Variants in KLHL1 observed in about 807,000 individuals in gnomAD.
The protein encoded by KLHL1 is kelch-like protein 1.
Under a neutral mutation model 77.7 loss-of-function variants are expected in KLHL1, and 47 were observed. That is an observed-to-expected ratio of 0.60 (90% CI 0.48 to 0.77). The LOEUF (loss-of-function observed/expected upper bound fraction) is 0.77, where lower values mean the gene tolerates loss of function less well. Among genes scored for constraint, KLHL1 ranks in the 30% least tolerant of loss-of-function variants. The pLI, the probability that KLHL1 is intolerant of heterozygous loss-of-function variation, is 0.00. For synonymous variants in KLHL1, 360 were observed against 325.2 expected (o/e 1.11, Z -1.15); for missense variants, 925 against 910.8 (o/e 1.02, Z -0.20).
At chr13:70,054,175 T>C (rs1461824640) in intron 1 of KLHL1, among the ~76,000 whole-genome samples, 5 of 152,170 alleles carry the variant, frequency 3.3e-5, no homozygotes, top group African/African-American at 1.2e-4. Context: ...ATAGATTGTC[T>C]CATTTTCATT....
rs1879141312 is a variant in KLHL1, at chr13:69,839,090, T to C, written c.1300A>G (p.Met434Val). Residue 434 changes from methionine (M) to valine (V), a missense_variant, in exon 6 of 11, where the codon ATG (methionine) becomes GTG (valine). Physicochemically the swap from Met to Val is conservative, Grantham distance 21 (BLOSUM62 1). Transcript: ENST00000377844. ...CTTTCTGGCAATAGATGGTATTTCA[T>C]TGCTTCTAGAATCAGCTTTTGACAT... ...LECQKLILEA[M>V]KYHLLPERRT... is the part of the protein sequence containing the mutation. 2 of 1,609,660 alleles carry C rather than the reference T, an allele frequency of 1.2e-6. No homozygotes were observed. Among genetic ancestry groups the C allele is most frequent in the Admixed American group, 1.7e-5 (1 of 59,536 alleles).
Position 69,720,106 on chromosome 13 carries a change from T to C in KLHL1, c.1803-525A>G, listed in dbSNP as rs115360570. Among the ~76,000 whole-genome samples the C allele has an allele frequency of 2.0e-3, 305 of 152,200 alleles. 1 individual carries two copies. The highest frequency in any genetic ancestry group is 7.0e-3 in the African/African-American group (290 of 41,534). On this transcript the variant is annotated intron_variant, in intron 8 of 10. Transcript: ENST00000377844. ...CAACAACTTTCTTACTCAGTGCCTA[T>C]ACTATAGCTAAAAACAAGACTTTAC...
chr13:69,744,177 G>A (rs1442572127), intron 7 of KLHL1, among the ~76,000 whole-genome samples: 1 of 152,140 alleles, frequency 6.6e-6, no homozygotes, highest in African/African-American at 2.4e-5. Flanking sequence ...AGTAGCTCTA[G>A]TATTGGTTAC....
At chr13:69,915,638 C>G (rs1234514295) in intron 4 of KLHL1, among the ~76,000 whole-genome samples, 14 of 152,028 alleles carry the variant, frequency 9.2e-5, no homozygotes, top group Admixed American at 8.5e-4. Flanking sequence ...ACCATAAAAA[C>G]CCTAGAAGAA....
chr13:69,836,654 AC>A (rs1879002465), intron 6 of KLHL1, among the ~76,000 whole-genome samples: 1 of 152,072 alleles, frequency 6.6e-6, no homozygotes, highest in Admixed American at 6.6e-5. Context: ...GTCTTACAAA[AC>A]TTAATGTTAT....
intron 7 of KLHL1, among the ~76,000 whole-genome samples, chr13:69,794,745 G>C (rs1593839027): frequency 6.6e-6 from 1 of 151,922 alleles, no homozygotes; most frequent in South Asian, 2.1e-4. Flanking sequence ...GGGATAGCAA[G>C]AATGTAAAAA....
At chr13:69,949,246 G>T (rs192336263) in intron 3 of KLHL1, among the ~76,000 whole-genome samples, 2 of 149,706 alleles carry the variant, frequency 1.3e-5, no homozygotes, top group African/African-American at 4.9e-5. Context: ...TTCCAGGATC[G>T]CATTCAGAAT....
At chr13:70,002,873 T>C (rs1260967041) in intron 1 of KLHL1, among the ~76,000 whole-genome samples, 1 of 151,670 alleles carries the variant, frequency 6.6e-6, no homozygotes, top group Non-Finnish European at 1.5e-5. Context: ...TTAAGCAAGT[T>C]ACAAATTCCA....
chr13:69,797,827 TAAAA>T (rs35332261), intron 6 of KLHL1, among the ~76,000 whole-genome samples: 2 of 130,714 alleles, frequency 1.5e-5, no homozygotes, highest in African/African-American at 2.9e-5. Context: ...AGACTCCATC[TAAAA>T]AAAAAAAAAA....
chr13:69,971,034 CT>C (rs569602368), intron 2 of KLHL1, among the ~76,000 whole-genome samples: 231 of 152,132 alleles, frequency 1.5e-3, no homozygotes, highest in African/African-American at 5.1e-3. Context: ...TCAAAACTAC[CT>C]TTCTAAATTA....
At chr13:70,014,487 AG>A (rs941923214) in intron 1 of KLHL1, among the ~76,000 whole-genome samples, 7 of 152,134 alleles carry the variant, frequency 4.6e-5, no homozygotes, top group African/African-American at 1.7e-4. Flanking sequence ...TCAAAAGTAG[AG>A]GGGAAAGAAT....
chr13:70,094,681 C>T (rs545606013), intron 1 of KLHL1, among the ~76,000 whole-genome samples: 13 of 152,168 alleles, frequency 8.5e-5, no homozygotes, highest in South Asian at 4.1e-4. Flanking sequence ...GAGAAGATTA[C>T]GGAACTTCAA....
intron 1 of KLHL1, among the ~76,000 whole-genome samples, chr13:70,036,835 C>CTTTTTTTTTTTTTTTTTTTTTTTTTTTT (rs5804467): frequency 2.0e-5 from 1 of 50,684 alleles, no homozygotes; most frequent in African/African-American, 7.4e-5. Flanking sequence ...ATGCCATGGT[C>CTTTTTTTTTTTTTTTTTTTTTTTTTTTT]TTTTTTTTTT....
intron 1 of KLHL1, among the ~76,000 whole-genome samples, chr13:70,092,631 C>T (rs1887695866): frequency 6.6e-6 from 1 of 152,070 alleles, no homozygotes; most frequent in Admixed American, 6.6e-5. Context: ...ATTATATATA[C>T]ATATAAAACT....
intron 1 of KLHL1, among the ~76,000 whole-genome samples, chr13:70,073,251 C>T (rs1396844352): frequency 3.3e-5 from 5 of 152,076 alleles, no homozygotes; most frequent in Non-Finnish European, 7.3e-5. Context: ...AGTTCATGTC[C>T]TTTGTAGGGA....
At chr13:69,904,931 A>T (rs1444159755) in intron 4 of KLHL1, among the ~76,000 whole-genome samples, 3 of 152,184 alleles carry the variant, frequency 2.0e-5, no homozygotes, top group African/African-American at 7.2e-5. Context: ...CTACAATAAT[A>T]ATATGCCTTA....
intron 9 of KLHL1, among the ~76,000 whole-genome samples, chr13:69,716,766 C>A (rs1288560246): frequency 6.6e-6 from 1 of 152,066 alleles, no homozygotes; most frequent in Admixed American, 6.6e-5. Flanking sequence ...TTATTTGTCT[C>A]TTTCTTCTAA....
At chr13:69,808,781 A>T (rs1030890409) in intron 6 of KLHL1, among the ~76,000 whole-genome samples, 1 of 152,182 alleles carries the variant, frequency 6.6e-6, no homozygotes, top group East Asian at 1.9e-4. Context: ...AAACTCAATA[A>T]GATCTGAGAG....
At chr13:69,985,825 A>T (rs567124598) in intron 1 of KLHL1, among the ~76,000 whole-genome samples, 1 of 145,936 alleles carries the variant, frequency 6.9e-6, no homozygotes, top group African/African-American at 2.5e-5. Context: ...TATATTATAT[A>T]TATATCTTAT....
Sources: allele counts gnomAD v4.1 joint callset (sites outside exome capture counted in the v4.1 genomes callset), GRCh38; gene constraint gnomAD v4.1.1; transcripts MANE v1.5; gene names NCBI Gene and HGNC (gene_info 2026-07-23, HGNC 2026-07-21).